KIAA1217: variants seen among roughly 807,000 people sequenced by gnomAD.
KIAA1217 encodes KIAA1217.
In KIAA1217, 88 loss-of-function variants were observed where a neutral mutation model predicts 163.9. The observed-to-expected ratio is 0.54, with a 90% CI of 0.45 to 0.64. The LOEUF (loss-of-function observed/expected upper bound fraction) is 0.64. Among genes scored for constraint, KIAA1217 ranks in the 30% least tolerant of loss-of-function variants. KIAA1217 has a pLI of 0.00. For synonymous variants in KIAA1217, 903 were observed against 923.1 expected, an observed-to-expected ratio of 0.98 and a Z score of 0.39; for missense variants, 2,372 against 2,475.0, an observed-to-expected ratio of 0.96 and a Z score of 0.88.
chr10:23,718,691 T>A (rs1475541178), intron 1 of KIAA1217, among the ~76,000 whole-genome samples: 1 of 152,030 alleles, frequency 6.6e-6, no homozygotes, highest in Admixed American at 6.6e-5. Context: ...AGTGATAGGA[T>A]TTCTCTTTGT....
At position 24,524,470 on chromosome 10, in the gene KIAA1217, C is replaced by T. The variant is rs750278415; in HGVS notation, c.2604C>T (p.Ala868=). 6.2e-7 allele frequency: 1 copy of T among 1,614,180 alleles called. No individual in the cohort carries two copies. Among genetic ancestry groups the T allele is most frequent in the East Asian group, 2.2e-5 (1 of 44,872 alleles). The change falls in exon 13 of 21, where the codon GCC becomes GCT. Residue 868 remains alanine, a synonymous_variant. Transcript: ENST00000376454. ...GCCAGCCCTTCCACAGCACAGGTGC[C>T]CCTGGCGATGCGAAGTCGGAAGTGG... ...TSGQPFHSTG[A]PGDAKSEVVP...
In KIAA1217 at chr10:24,002,143, C is replaced by T. The variant is rs187574611; in HGVS notation, c.-320-5082C>T. On this transcript the variant is annotated intron_variant, in intron 1 of 18. Coordinates refer to the KIAA1217 transcript ENST00000376462. ...GGCTCTCAGGGCTGTGGATATTATT[C>T]TCAGGAAGGTGAAGAGCCACGGAAG... 2.4e-3 allele frequency among the ~76,000 whole-genome samples: 361 copies of T among 152,278 alleles called. 2 individuals are homozygous for T. The highest frequency in any genetic ancestry group is 3.3e-3 in the Non-Finnish European group (227 of 68,030).
At chr10:24,082,560 G>T (rs1302516664) in intron 2 of KIAA1217, among the ~76,000 whole-genome samples, 4 of 152,154 alleles carry the variant, frequency 2.6e-5, no homozygotes, top group Admixed American at 6.5e-5. Context: ...CTGTGTCCAT[G>T]CAGAGGACAT....
chr10:24,488,152 C>G (rs73604492), intron 6 of KIAA1217, among the ~76,000 whole-genome samples: 1,975 of 152,258 alleles, frequency 0.013, 41 homozygotes, highest in African/African-American at 0.045. Flanking sequence ...CAGATCTAGA[C>G]AGTAACACCA....
intron 14 of KIAA1217, among the ~76,000 whole-genome samples, chr10:24,530,626 G>C (rs375821087): frequency 6.6e-6 from 1 of 152,310 alleles, no homozygotes; most frequent in African/African-American, 2.4e-5. Context: ...GGCTGGCGTG[G>C]TGGCTCATGC....
At chr10:23,766,212 A>AT (rs1834509260) in intron 1 of KIAA1217, among the ~76,000 whole-genome samples, 1 of 152,210 alleles carries the variant, frequency 6.6e-6, no homozygotes, top group African/African-American at 2.4e-5. Flanking sequence ...GTCAAGTGTG[A>AT]TTTTGTGCCC....
chr10:24,140,491 A>G (rs188926331), intron 2 of KIAA1217, among the ~76,000 whole-genome samples: 79 of 152,304 alleles, frequency 5.2e-4, no homozygotes, highest in Admixed American at 5.1e-3. Flanking sequence ...TGGTACCTAT[A>G]CATGACAGTC....
chr10:24,083,004 G>A (rs2061587052), intron 2 of KIAA1217, among the ~76,000 whole-genome samples: 1 of 152,164 alleles, frequency 6.6e-6, no homozygotes, highest in Non-Finnish European at 1.5e-5. Flanking sequence ...CAGTGATGTT[G>A]AGCATTGTTT....
chr10:23,792,988 T>A (rs377280200), intron 1 of KIAA1217, among the ~76,000 whole-genome samples: 37 of 152,334 alleles, frequency 2.4e-4, no homozygotes, highest in African/African-American at 8.9e-4. Context: ...TTACAGTTTG[T>A]CACACCAGTG....
At chr10:24,316,995 C>T (rs1051077654) in intron 2 of KIAA1217, among the ~76,000 whole-genome samples, 5 of 152,100 alleles carry the variant, frequency 3.3e-5, no homozygotes, top group East Asian at 1.9e-4. Context: ...GTTATGTTTA[C>T]GCTGAGTGTG....
intron 2 of KIAA1217, among the ~76,000 whole-genome samples, chr10:24,198,551 G>A (rs967066019): frequency 2.5e-4 from 37 of 150,240 alleles, no homozygotes; most frequent in Middle Eastern, 6.9e-3. Flanking sequence ...AGAGGTTGCA[G>A]TGAGCCAAGA....
At chr10:24,324,834 A>G (rs1369043831) in intron 2 of KIAA1217, among the ~76,000 whole-genome samples, 1 of 152,044 alleles carries the variant, frequency 6.6e-6, no homozygotes, top group East Asian at 1.9e-4. Context: ...TGTTGTGCTG[A>G]TTTCTTGGAT....
chr10:24,077,368 T>C (rs534555442), intron 2 of KIAA1217, among the ~76,000 whole-genome samples: 3 of 152,266 alleles, frequency 2.0e-5, no homozygotes, highest in Admixed American at 2.0e-4. Flanking sequence ...GGCCCCAGTG[T>C]GTGTTGTTAC....
intron 1 of KIAA1217, among the ~76,000 whole-genome samples, chr10:23,807,276 G>A (rs1836787453): frequency 6.6e-6 from 1 of 152,204 alleles, no homozygotes; most frequent in African/African-American, 2.4e-5. Flanking sequence ...AGTTGACTAT[G>A]CTGCCATCAT....
chr10:24,180,252 C>T (rs930617299), intron 2 of KIAA1217, among the ~76,000 whole-genome samples: 21 of 148,286 alleles, frequency 1.4e-4, no homozygotes, highest in Admixed American at 2.0e-4. Context: ...CCCTATCTTT[C>T]CAGCTATATC....
At chr10:24,050,218 T>C (rs949051924) in intron 2 of KIAA1217, among the ~76,000 whole-genome samples, 7 of 152,240 alleles carry the variant, frequency 4.6e-5, no homozygotes, top group African/African-American at 1.7e-4. Flanking sequence ...CTTTGTCAGA[T>C]GGATACATTG....
intron 3 of KIAA1217, among the ~76,000 whole-genome samples, chr10:24,413,748 A>C (rs559463170): frequency 8.5e-5 from 13 of 152,264 alleles, no homozygotes; most frequent in Non-Finnish European, 1.6e-4. Flanking sequence ...GATATCTACA[A>C]GTCTCGCTTC....
At chr10:24,352,270 C>G (rs1426052758) in intron 2 of KIAA1217, among the ~76,000 whole-genome samples, 2 of 152,362 alleles carry the variant, frequency 1.3e-5, no homozygotes, top group East Asian at 3.9e-4. Flanking sequence ...GGTGGGGTGA[C>G]TCACTGAGTA....
chr10:23,880,378 A>C (rs1840897117), intron 1 of KIAA1217, among the ~76,000 whole-genome samples: 1 of 151,968 alleles, frequency 6.6e-6, no homozygotes, highest in African/African-American at 2.4e-5. Context: ...GTTCTCACTT[A>C]TCTGTGGGAG....
Sources: gnomAD v4.1 joint callset for allele counts (sites outside exome capture counted in the v4.1 genomes callset) on GRCh38, gnomAD v4.1.1 for gene constraint, MANE v1.5 for transcripts, NCBI Gene and HGNC (gene_info 2026-07-23, HGNC 2026-07-21) for gene names.